KCNJ14: variants seen among roughly 807,000 people sequenced by gnomAD.
The protein encoded by KCNJ14 is potassium inwardly rectifying channel subfamily J member 14.
A neutral mutation model predicts 24.5 loss-of-function variants in KCNJ14; 18 were observed. That is an observed-to-expected ratio of 0.74 (90% confidence interval 0.51 to 1.09). KCNJ14 has a LOEUF of 1.09. KCNJ14 is among the 50% of genes least tolerant of loss of function. KCNJ14 has a pLI of 0.00. For synonymous variants in KCNJ14, 288 were observed against 270.8 expected, an observed-to-expected ratio of 1.06 and a Z score of -0.63; for missense variants, 633 against 623.0, an observed-to-expected ratio of 1.02 and a Z score of -0.17.
At position 48,462,083 on chromosome 19, in the gene KCNJ14, C is replaced by T. The variant is rs777904404; in HGVS notation, c.359C>T (p.Ala120Val). 1.9e-6 allele frequency: 3 copies of T among 1,605,476 alleles called. No individual in the cohort carries two copies. The highest frequency in any genetic ancestry group is 1.7e-6 in the Non-Finnish European group (2 of 1,177,824). ...GCCTCGCTGCACGGCGACCTGGCCG[C>T]CCCGCCACCGCCCGCGCCCTGCTTC... is the stretch of plus-strand genomic sequence containing the variant. ...LIASLHGDLAAPPPPAPCFSH... is the reference protein window; with the variant it reads ...LIASLHGDLAVPPPPAPCFSH... The change falls in exon 2 of 3, where the codon GCC becomes GTC. Residue 120 changes from alanine (A) to valine (V), a missense_variant. Coordinates refer to ENST00000342291, the MANE Select transcript of KCNJ14 (RefSeq NM_013348.4). The surrounding 1 kb of genome is among the most constrained non-coding windows in gnomAD (Gnocchi z 4.9).
chr19:48,462,092 C>A lies in KCNJ14; in HGVS notation c.368C>A (p.Pro123Gln). The part of the protein sequence containing the change: ...SLHGDLAAPP[P>Q]PAPCFSHVAS... ...CACGGCGACCTGGCCGCCCCGCCAC[C>A]GCCCGCGCCCTGCTTCTCACACGTG... Residue 123 changes from proline to glutamine, a missense_variant, in exon 2 of 3, where the codon CCG becomes CAG. By Grantham distance (76) the Pro-to-Gln change is moderately conservative. Coordinates refer to ENST00000342291, the MANE Select transcript of KCNJ14 (RefSeq NM_013348.4). The surrounding 1 kb of genome is among the most constrained non-coding windows in gnomAD (Gnocchi z 4.9). 1 of 1,602,442 alleles carries A rather than the reference C, an allele frequency of 6.2e-7. No homozygotes were observed. The highest frequency in any genetic ancestry group is 1.1e-5 in the South Asian group (1 of 89,718).
Position 48,465,073 on chromosome 19 carries a change from A to C in KCNJ14, c.*296A>C. 2.6e-6 allele frequency: 1 copy of C among 390,516 alleles called. No individual in the cohort carries two copies. Among genetic ancestry groups the C allele is most frequent in the East Asian group, 4.4e-5 (1 of 22,504 alleles). 24.2% of individuals were successfully genotyped at this position (390,516 alleles called of 1,614,324 possible). A position where few individuals can be genotyped will look rare whatever the true frequency, so the allele number is the denominator to read the frequency against. Reference sequence around the variant, plus strand: ...GACTGGCAGTTCTAGATTCCTCTATATGGGGAGACCTGGATTGTTGACCAG... The same window carrying C: ...GACTGGCAGTTCTAGATTCCTCTATCTGGGGAGACCTGGATTGTTGACCAG... On this transcript the variant is annotated 3_prime_UTR_variant, in exon 3 of 3. Coordinates refer to ENST00000342291, the MANE Select transcript of KCNJ14 (RefSeq NM_013348.4).
chr19:48,463,448 C>T (rs1033979559), intron 2 of KCNJ14, among the ~76,000 whole-genome samples: 5 of 152,100 alleles, frequency 3.3e-5, no homozygotes, highest in Non-Finnish European at 5.9e-5. Flanking sequence ...TTGCAGAAGT[C>T]GGTGGGGCAG....
rs750340467 is a variant in KCNJ14 at position 48,464,729 on chromosome 19, T to C, written c.1263T>C (p.Ala421=). Reference sequence around the variant, plus strand: ...GGGTGGAAACAGAAGATGGGGCTGCTAGCCCCCGAGTTCTCACACCAACCC... The same window carrying C: ...GGGTGGAAACAGAAGATGGGGCTGCCAGCCCCCGAGTTCTCACACCAACCC... ...GNGVETEDGA[A]SPRVLTPTLA... The change falls in exon 3 of 3, where the codon GCT becomes GCC. Residue 421 remains alanine (A), a synonymous_variant. Coordinates refer to ENST00000342291, the MANE Select transcript of KCNJ14 (RefSeq NM_013348.4). 6.2e-7 allele frequency: 1 copy of C among 1,610,582 alleles called. No individual in the cohort carries two copies. Among genetic ancestry groups the C allele is most frequent in the South Asian group, 1.1e-5 (1 of 91,078 alleles).
chr19:48,464,532 C>T lies in KCNJ14; in HGVS notation c.1066C>T (p.Pro356Ser). 6.2e-7 allele frequency: 1 copy of T among 1,614,120 alleles called. No individual in the cohort carries two copies. The highest frequency in any genetic ancestry group is 8.5e-7 in the Non-Finnish European group (1 of 1,180,024). Residue 356 changes from proline (P) to serine (S), a missense_variant, in exon 3 of 3, where the codon CCA (proline) becomes TCA (serine). Physicochemically the swap from Pro to Ser is moderately conservative, Grantham distance 74 (BLOSUM62 -1). Coordinates refer to ENST00000342291, the MANE Select transcript of KCNJ14 (RefSeq NM_013348.4). ...CCACTTCCATCGCACTTATGAGGTC[C>T]CAGGGACACCGGTCTGCAGTGCTAA... ...YRHFHRTYEV[P>S]GTPVCSAKEL...
chr19:48,458,935 C>CAG (rs1555896777), intron 1 of KCNJ14, among the ~76,000 whole-genome samples: 2 of 38,650 alleles, frequency 5.2e-5, no homozygotes, highest in African/African-American at 2.3e-4. Flanking sequence ...GACTCCGTCT[C>CAG]AAAAAAAAAA....
In KCNJ14 at chr19:48,464,267, C is replaced by T. The variant is rs771804173; in HGVS notation, c.801C>T (p.Phe267=). 3.1e-6 allele frequency: 5 copies of T among 1,613,972 alleles called. No homozygotes were observed. Among genetic ancestry groups the T allele is most frequent in the Admixed American group, 1.7e-5 (1 of 59,976 alleles). ...VGFDGGTDRI[F]LVSPITIVHE... is the part of the protein sequence containing the mutation. ...TTGATGGAGGCACCGATCGTATCTT[C>T]CTCGTGTCCCCCATCACCATCGTCC... The change falls in exon 3 of 3, where the codon TTC becomes TTT. Residue 267 remains phenylalanine, a synonymous_variant. Transcript: ENST00000342291.
chr19:48,457,361 G>A (rs992491418), intron 1 of KCNJ14, among the ~76,000 whole-genome samples: 2 of 152,192 alleles, frequency 1.3e-5, no homozygotes, highest in Non-Finnish European at 2.9e-5. Flanking sequence ...GTAAATGGTT[G>A]AGCAAACTGA....
At position 48,462,462 on chromosome 19, in the gene KCNJ14, G is replaced by A. The variant is rs1971612974; in HGVS notation, c.714+24G>A. The A allele has an allele frequency of 7.0e-7, 1 of 1,438,826 alleles. No homozygotes were observed. The highest frequency in any genetic ancestry group is 9.2e-7 in the Non-Finnish European group (1 of 1,087,980). The allele number at this position is 1,438,826 out of a possible 1,614,324, so 89.1% of individuals were successfully genotyped here. A position where few individuals can be genotyped will look rare whatever the true frequency, so the allele number is the denominator to read the frequency against. ...AGGTGCGCCCGGGAGGAGAGGCGGG[G>A]ACTTCCGTGAGCCCTGGGGGATTGT... is the stretch of plus-strand genomic sequence containing the variant. On this transcript the variant is annotated intron_variant, in intron 2 of 2. Transcript: ENST00000342291. The surrounding 1 kb of genome is among the most constrained non-coding windows in gnomAD (Gnocchi z 4.9).
chr19:48,458,935 C>CAA (rs34990679), intron 1 of KCNJ14, among the ~76,000 whole-genome samples: 3,219 of 38,036 alleles, frequency 0.085, 427 homozygotes, highest in Non-Finnish European at 0.092. Flanking sequence ...GACTCCGTCT[C>CAA]AAAAAAAAAA....
rs1341107671 is a variant in KCNJ14, at chr19:48,461,545, AAAAAAT to A, written c.-55-124_-55-119del. 17 of 396,342 alleles carry A rather than the reference AAAAAAT, an allele frequency of 4.3e-5. No homozygotes were observed. In the South Asian group the frequency reaches 1.3e-3, roughly 29 times the overall value. 24.6% of individuals were successfully genotyped at this position (396,342 alleles called of 1,614,324 possible). On this transcript the variant is annotated intron_variant, in intron 1 of 2. Transcript: ENST00000342291. ...TCTGTCTCCAAAAAAAAAAAAAAAA[AAAAAAT>A]GCGTATCGTTCCACCTATTTGACAG...
At chr19:48,464,062 C>A in intron 2 of KCNJ14, 119 bp from the exon 3 acceptor site, 1 of 747,632 alleles carries the variant, frequency 1.3e-6, no homozygotes, top group South Asian at 1.6e-5. Context: ...TGTGTTCTCA[C>A]CCTTTTCTTC....
At position 48,462,834 on chromosome 19, in the gene KCNJ14, G is replaced by T. The variant is rs1971616214; in HGVS notation, c.714+396G>T. 6.6e-6 allele frequency among the ~76,000 whole-genome samples: 1 copy of T among 152,114 alleles called. No individual in the cohort carries two copies. Among genetic ancestry groups the T allele is most frequent in the Non-Finnish European group, 1.5e-5 (1 of 67,998 alleles). ...TGCGAGGGGGTGGTGGAGGGCCTGC[G>T]TGACCGTTCTATTACTCGGGTGTAC... On this transcript the variant is annotated intron_variant, in intron 2 of 2. Coordinates refer to ENST00000342291, the MANE Select transcript of KCNJ14 (RefSeq NM_013348.4). This position sits in a 1 kb window ranked among gnomAD's most constrained non-coding sequence, Gnocchi z 4.9.
Position 48,464,318 on chromosome 19 carries a change from G to A in KCNJ14, c.852G>A (p.Leu284=). ...IVHEIDSASP[L]YELGRAELAR... is the part of the protein sequence containing the mutation. ...ATGAGATCGACTCTGCCAGTCCTCT[G>A]TATGAGCTAGGACGTGCCGAGCTGG... Residue 284 remains leucine (L), a synonymous_variant, in exon 3 of 3, where the codon CTG becomes CTA. Coordinates refer to ENST00000342291, the MANE Select transcript of KCNJ14 (RefSeq NM_013348.4). 1 of 1,613,780 alleles carries A rather than the reference G, an allele frequency of 6.2e-7. No homozygotes were observed. Among genetic ancestry groups the A allele is most frequent in the Non-Finnish European group, 8.5e-7 (1 of 1,179,878 alleles).
chr19:48,463,157 C>T (rs1348533434), intron 2 of KCNJ14, among the ~76,000 whole-genome samples: 1 of 152,138 alleles, frequency 6.6e-6, no homozygotes, highest in Admixed American at 6.5e-5. Flanking sequence ...CTTAGCGTTC[C>T]TAGAATTGTG....
In KCNJ14 at chr19:48,461,550, A is replaced by AAAAAAAAAAAG. The variant is rs370425889; in HGVS notation, c.-55-120_-55-119insAAAAAAAAAAG. ...CTCCAAAAAAAAAAAAAAAAAAAAA[A>AAAAAAAAAAAG]TGCGTATCGTTCCACCTATTTGACA... On this transcript the variant is annotated intron_variant, in intron 1 of 2. Coordinates refer to ENST00000342291, the MANE Select transcript of KCNJ14 (RefSeq NM_013348.4). 7.0e-4 allele frequency: 247 copies of AAAAAAAAAAAG among 351,182 alleles called. 17 individuals are homozygous for AAAAAAAAAAAG. Among genetic ancestry groups the AAAAAAAAAAAG allele is most frequent in the Middle Eastern group, 5.3e-3 (6 of 1,140 alleles). The allele number at this position is 351,182 out of a possible 1,614,324, so 21.8% of individuals were successfully genotyped here.
In KCNJ14 at chr19:48,464,258, T is replaced by A; in HGVS notation, c.792T>A (p.Asp264Glu). Residue 264 changes from aspartate (D) to glutamate (E), a missense_variant, in exon 3 of 3, where the codon GAT becomes GAA. Transcript: ENST00000342291. ...DVDVGFDGGT[D>E]RIFLVSPITI... ...ATGTGGGCTTTGATGGAGGCACCGA[T>A]CGTATCTTCCTCGTGTCCCCCATCA... The A allele has an allele frequency of 6.2e-7, 1 of 1,614,070 alleles. No homozygotes were observed. The highest frequency in any genetic ancestry group is 8.5e-7 in the Non-Finnish European group (1 of 1,180,006).
rs572962259 is a variant in KCNJ14, at chr19:48,463,310, T to G, written c.715-871T>G. Among the ~76,000 whole-genome samples the G allele has an allele frequency of 2.0e-5, 3 of 152,272 alleles. No individual in the cohort carries two copies. The East Asian group carries it at 5.8e-4, about 29-fold the overall frequency. On this transcript the variant is annotated intron_variant, in intron 2 of 2. Transcript: ENST00000342291. ...GTGGGAGCTGCAACTCCCAGCCGCCTCTGGGGTTCCTCTACTTGGGGCTTC... is the reference window on the plus strand; with the variant it reads ...GTGGGAGCTGCAACTCCCAGCCGCCGCTGGGGTTCCTCTACTTGGGGCTTC...
intron 1 of KCNJ14, among the ~76,000 whole-genome samples, chr19:48,458,666 T>A (rs749989411): frequency 6.6e-6 from 1 of 152,140 alleles, no homozygotes; most frequent in Non-Finnish European, 1.5e-5. Context: ...TTCCTCGGCC[T>A]CGCAAAGTGT....
Sources: allele counts gnomAD v4.1 joint callset (sites outside exome capture counted in the v4.1 genomes callset), GRCh38; gene constraint gnomAD v4.1.1; non-coding constraint Gnocchi (gnomAD v3.1); transcripts MANE v1.5; gene names NCBI Gene and HGNC (gene_info 2026-07-23, HGNC 2026-07-21).